Variants in ENOPH1 observed in about 807,000 individuals in gnomAD.
ENOPH1 encodes enolase-phosphatase E1.
In ENOPH1, 14 loss-of-function variants were observed where a neutral mutation model predicts 31.1. The ratio of observed to expected loss-of-function variants is 0.45; its 90% CI spans 0.30 to 0.70. The LOEUF (loss-of-function observed/expected upper bound fraction) is 0.70, where lower values mean the gene tolerates loss of function less well. Ranked by LOEUF, ENOPH1 falls within the 30% of genes least tolerant of loss-of-function variation. The pLI is 0.09. For missense variants in ENOPH1, 243 were observed against 321.5 expected, an observed-to-expected ratio of 0.76 and a Z score of 1.87; for synonymous variants, 127 against 123.2, an observed-to-expected ratio of 1.03 and a Z score of -0.21.
Position 82,454,842 on chromosome 4 carries a change from A to C in ENOPH1, c.510A>C (p.Gly170=), listed in dbSNP as rs1295675711. ...TGTTATTCGGGCATTCTACGGAGGG[A>C]GATATTCTTGAGGTAGGTTACCTAG... The part of the protein sequence containing the change: ...QKLLFGHSTE[G]DILELVDGHF... Residue 170 remains glycine, a synonymous_variant, in exon 4 of 6, where the codon GGA becomes GGC. Coordinates refer to ENST00000273920, the MANE Select transcript of ENOPH1 (RefSeq NM_021204.5). 3 of 1,612,016 alleles carry C rather than the reference A, an allele frequency of 1.9e-6. No homozygotes were observed. The highest frequency in any genetic ancestry group is 2.5e-6 in the Non-Finnish European group (3 of 1,179,552).
chr4:82,455,726 C>T (rs1722472160), intron 4 of ENOPH1, among the ~76,000 whole-genome samples: 1 of 151,620 alleles, frequency 6.6e-6, no homozygotes. Flanking sequence ...GCGGAGCTTA[C>T]AGTGAGCTGA....
chr4:82,449,704 C>G (rs1722297425), intron 2 of ENOPH1, among the ~76,000 whole-genome samples: 1 of 152,196 alleles, frequency 6.6e-6, no homozygotes, highest in Admixed American at 6.5e-5. Context: ...GGTGGGGACA[C>G]ACATCCAAGC....
Position 82,460,310 on chromosome 4 carries a change from C to T in ENOPH1, c.*190C>T, listed in dbSNP as rs1288765046. 4.0e-6 allele frequency: 2 copies of T among 501,832 alleles called. No homozygotes were observed. The highest frequency in any genetic ancestry group is 3.9e-5 in the African/African-American group (2 of 50,998). 31.1% of individuals were successfully genotyped at this position (501,832 alleles called of 1,614,324 possible). On this transcript the variant is annotated 3_prime_UTR_variant, in exon 6 of 6. Transcript: ENST00000273920. ...GAAAGAAGTCTCAGTTCAGTGAACACAAAACTTATTTAAAGATGCTTTATA... is the reference window on the plus strand; with the variant it reads ...GAAAGAAGTCTCAGTTCAGTGAACATAAAACTTATTTAAAGATGCTTTATA...
chr4:82,430,603 G>C lies in ENOPH1; in HGVS notation c.-227G>C. 1 of 544,644 alleles carries C rather than the reference G, an allele frequency of 1.8e-6. No individual in the cohort carries two copies. Among genetic ancestry groups the C allele is most frequent in the Non-Finnish European group, 3.3e-6 (1 of 304,622 alleles). 33.7% of individuals were successfully genotyped at this position (544,644 alleles called of 1,614,324 possible). A position where few individuals can be genotyped will look rare whatever the true frequency, so the allele number is the denominator to read the frequency against. ...CCTGCCCACGTGGTCTCGGGCTCCT[G>C]CCCCGTCCTGCTCACGAGTTCAGGG... is the stretch of plus-strand genomic sequence containing the variant. On this transcript the variant is annotated 5_prime_UTR_variant, in exon 1 of 6. Coordinates refer to ENST00000273920, the MANE Select transcript of ENOPH1 (RefSeq NM_021204.5).
In ENOPH1 at chr4:82,446,747, C is replaced by T. The variant is rs868824932; in HGVS notation, c.85-1173C>T. 2.6e-3 allele frequency among the ~76,000 whole-genome samples: 349 copies of T among 135,396 alleles called. 1 individual carries two copies. The highest frequency in any genetic ancestry group is 3.9e-3 in the Admixed American group (49 of 12,552). The allele number at this position is 135,396 out of a possible 152,430, so 88.8% of individuals were successfully genotyped here. A position where few individuals can be genotyped will look rare whatever the true frequency, so the allele number is the denominator to read the frequency against. ...CGGAGTCTCGCTCTGTCGCCCAGGC[C>T]GGACTGCGGACTGCAGTGGCGCAAT... On this transcript the variant is annotated intron_variant, in intron 1 of 5. Transcript: ENST00000273920.
At chr4:82,444,084 A>C (rs532137931) in intron 1 of ENOPH1, among the ~76,000 whole-genome samples, 172 of 152,322 alleles carry the variant, frequency 1.1e-3, no homozygotes, top group Middle Eastern at 6.8e-3. Flanking sequence ...CATGTTGGCC[A>C]GGCTGGTCTC....
chr4:82,447,464 G>A (rs13129982), intron 1 of ENOPH1, among the ~76,000 whole-genome samples: 9,490 of 152,236 alleles, frequency 0.062, 326 homozygotes, highest in Admixed American at 0.086. Context: ...AAAGCTGTGA[G>A]CAAGACACAT....
intron 5 of ENOPH1, among the ~76,000 whole-genome samples, 183 bp downstream of exon 5, chr4:82,457,221 A>G (rs1722513593): frequency 6.6e-6 from 1 of 151,906 alleles, no homozygotes. Context: ...AAAAAAACAC[A>G]GCAGTGAAGG....
intron 1 of ENOPH1, among the ~76,000 whole-genome samples, chr4:82,445,511 A>G (rs752740362): frequency 5.3e-5 from 8 of 152,132 alleles, no homozygotes; most frequent in Non-Finnish European, 1.2e-4. Context: ...GGTGGAGTGC[A>G]GTGGTGCAAT....
intron 1 of ENOPH1, among the ~76,000 whole-genome samples, chr4:82,433,210 C>G (rs1261491324): frequency 6.6e-6 from 1 of 152,080 alleles, no homozygotes; most frequent in Non-Finnish European, 1.5e-5. Context: ...AGTAAGAAAC[C>G]TCATACAAAA....
chr4:82,460,312 A>G lies in ENOPH1; in HGVS notation c.*192A>G. 4.0e-6 allele frequency: 2 copies of G among 495,690 alleles called. No homozygotes were observed. Among genetic ancestry groups the G allele is most frequent in the South Asian group, 7.3e-5 (2 of 27,488 alleles). The allele number at this position is 495,690 out of a possible 1,614,324, so 30.7% of individuals were successfully genotyped here. ...AAGAAGTCTCAGTTCAGTGAACACA[A>G]AACTTATTTAAAGATGCTTTATATG... On this transcript the variant is annotated 3_prime_UTR_variant, in exon 6 of 6. Coordinates refer to ENST00000273920, the MANE Select transcript of ENOPH1 (RefSeq NM_021204.5).
At chr4:82,454,099 A>C (rs1722422338) in intron 3 of ENOPH1, among the ~76,000 whole-genome samples, 1 of 151,880 alleles carries the variant, frequency 6.6e-6, no homozygotes, top group Non-Finnish European at 1.5e-5. Context: ...TTGTAGTCCC[A>C]ACTACCTGGG....
At chr4:82,442,871 CTGGCGTGCAG>C (rs1722076428) in intron 1 of ENOPH1, among the ~76,000 whole-genome samples, 3 of 152,222 alleles carry the variant, frequency 2.0e-5, no homozygotes, top group Admixed American at 2.0e-4. Flanking sequence ...ATCGCCCAGG[CTGGCGTGCAG>C]TGGCGTGATC....
intron 1 of ENOPH1, among the ~76,000 whole-genome samples, chr4:82,441,432 T>C (rs151244748): frequency 0.056 from 8,514 of 152,114 alleles, 307 homozygotes; most frequent in Non-Finnish European, 0.081. Flanking sequence ...ACCATCCTGT[T>C]TAACACGGTG....
At chr4:82,437,148 C>A (rs900362262) in intron 1 of ENOPH1, among the ~76,000 whole-genome samples, 1 of 152,102 alleles carries the variant, frequency 6.6e-6, no homozygotes, top group Non-Finnish European at 1.5e-5. Context: ...TTTTCTAGAA[C>A]CTTCAGTATT....
intron 1 of ENOPH1, among the ~76,000 whole-genome samples, chr4:82,444,008 G>A (rs935880260): frequency 3.3e-5 from 5 of 152,074 alleles, no homozygotes; most frequent in African/African-American, 1.2e-4. Context: ...CCAAGTAGCC[G>A]GGATTACAGG....
chr4:82,452,131 T>A (rs1166362924), intron 3 of ENOPH1, among the ~76,000 whole-genome samples: 1 of 151,532 alleles, frequency 6.6e-6, no homozygotes, highest in Non-Finnish European at 1.5e-5. Flanking sequence ...CACACTGGAG[T>A]GCAGTGGTGC....
chr4:82,431,966 A>G (rs1387037296), intron 1 of ENOPH1, among the ~76,000 whole-genome samples: 2 of 144,502 alleles, frequency 1.4e-5, no homozygotes, highest in East Asian at 2.0e-4. Context: ...GCTGGAGTGG[A>G]GTGGAGTGGT....
At chr4:82,440,837 G>C (rs1163758769) in intron 1 of ENOPH1, among the ~76,000 whole-genome samples, 1 of 152,172 alleles carries the variant, frequency 6.6e-6, no homozygotes, top group African/African-American at 2.4e-5. Flanking sequence ...GAATGCACAT[G>C]TGAAATCTGA....
Sources: gnomAD v4.1 joint callset for allele counts (sites outside exome capture counted in the v4.1 genomes callset) on GRCh38, gnomAD v4.1.1 for gene constraint, MANE v1.5 for transcripts, NCBI Gene and HGNC (gene_info 2026-07-23, HGNC 2026-07-21) for gene names.